Variants in RNASEH2B observed in about 807,000 individuals in gnomAD.
RNASEH2B encodes the protein ribonuclease H2 subunit B.
In RNASEH2B, 36 loss-of-function variants were observed where a neutral mutation model predicts 45.0. That is an observed-to-expected ratio of 0.80 (90% CI 0.61 to 1.06). The LOEUF is 1.06. Among genes scored for constraint, RNASEH2B ranks in the 50% least tolerant of loss-of-function variants. RNASEH2B has a pLI of 0.00. For synonymous variants in RNASEH2B, 119 were observed against 125.7 expected, an observed-to-expected ratio of 0.95 and a Z score of 0.35; for missense variants, 361 against 360.3, an observed-to-expected ratio of 1.00 and a Z score of -0.02.
chr13:50,934,759 A>G (rs1951724606), intron 4 of RNASEH2B, 126 bp from the exon 5 acceptor site: 1 of 720,002 alleles, frequency 1.4e-6, no homozygotes. Context: ...GGGATTCCTT[A>G]GATGGAATAG....
intron 5 of RNASEH2B, chr13:50,941,416 A>C (rs1046665010): frequency 6.6e-6 from 1 of 152,168 alleles, no homozygotes; most frequent in Non-Finnish European, 1.5e-5. Flanking sequence ...GGTAGAGGAG[A>C]AGCCTCCTAG....
At chr13:50,943,265 C>A in intron 5 of RNASEH2B, 56 bp from the exon 6 acceptor site, 1 of 1,008,054 alleles carries the variant, frequency 9.9e-7, no homozygotes, top group Non-Finnish European at 1.6e-6. Context: ...ATGATACAAC[C>A]TTAGGAGTTT....
intron 1 of RNASEH2B, among the ~76,000 whole-genome samples, chr13:50,918,172 C>G (rs1278106344): frequency 6.6e-6 from 1 of 152,100 alleles, no homozygotes; most frequent in Non-Finnish European, 1.5e-5. Context: ...GAGTCTCACT[C>G]TGTCGCCCAG....
intron 9 of RNASEH2B, chr13:50,953,443 A>G (rs1952001114): frequency 5.6e-6 from 1 of 179,116 alleles, no homozygotes; most frequent in African/African-American, 2.4e-5. Flanking sequence ...TTGCATGGAT[A>G]AAGTAAGATA....
intron 1 of RNASEH2B, among the ~76,000 whole-genome samples, chr13:50,919,967 G>A (rs895200441): frequency 2.0e-5 from 3 of 152,166 alleles, no homozygotes; most frequent in African/African-American, 7.2e-5. Context: ...AAGTACAGAT[G>A]TCAGGAAAGT....
At chr13:50,918,627 A>G (rs375427951) in intron 1 of RNASEH2B, among the ~76,000 whole-genome samples, 1 of 152,186 alleles carries the variant, frequency 6.6e-6, no homozygotes, top group Non-Finnish European at 1.5e-5. Context: ...AGCAGTGCTA[A>G]TGTTTTGGGA....
rs150363383 is a variant in RNASEH2B at position 50,953,950 on chromosome 13, A to G, written c.787A>G (p.Thr263Ala). ...DEPVEAKEDY[T>A]KFNTKDLKTE... Reference sequence around the variant, plus strand: ...GCCTGTAGAAGCAAAAGAAGATTACACTAAGTTTAATACTAAAGATTTGAA... The same window carrying G: ...GCCTGTAGAAGCAAAAGAAGATTACGCTAAGTTTAATACTAAAGATTTGAA... The change falls in exon 10 of 11, where the codon ACT becomes GCT. Residue 263 changes from threonine to alanine, a missense_variant. Thr to Ala is a moderately conservative substitution (Grantham distance 58). Coordinates refer to ENST00000336617, the MANE Select transcript of RNASEH2B (RefSeq NM_024570.4). 6.7e-4 allele frequency: 1,075 copies of G among 1,607,826 alleles called. 2 individuals are homozygous for G. Among genetic ancestry groups the G allele is most frequent in the Non-Finnish European group, 8.9e-4 (1,042 of 1,174,294 alleles).
chr13:50,938,345 AAATTACACTAT>A (rs1366762944), intron 5 of RNASEH2B: 1 of 152,192 alleles, frequency 6.6e-6, no homozygotes, highest in Non-Finnish European at 1.5e-5. Context: ...TATTTTCCCC[AAATTACACTAT>A]AATTACACTA....
chr13:50,956,969 G>T (rs1340604521), downstream of RNASEH2B, among the ~76,000 whole-genome samples: 1 of 150,416 alleles, frequency 6.6e-6, no homozygotes, highest in African/African-American at 2.4e-5. Context: ...CGCGATCTCG[G>T]CTCACTTTTT....
chr13:50,937,271 G>A (rs1212022448), intron 5 of RNASEH2B: 5 of 151,906 alleles, frequency 3.3e-5, no homozygotes, highest in African/African-American at 1.2e-4. Flanking sequence ...GCCCAGGATG[G>A]AATGCAGTGG....
chr13:50,929,869 G>A (rs1474310403), intron 3 of RNASEH2B, among the ~76,000 whole-genome samples: 2 of 152,214 alleles, frequency 1.3e-5, no homozygotes, highest in East Asian at 3.9e-4. Flanking sequence ...TTGTACATGG[G>A]GCACATATTG....
chr13:50,966,257 G>C (rs1373212523), intron 9 of RNASEH2B, among the ~76,000 whole-genome samples: 1 of 152,172 alleles, frequency 6.6e-6, no homozygotes, highest in Non-Finnish European at 1.5e-5. Flanking sequence ...ATATGGCACA[G>C]ATACAGACTT....
chr13:50,943,144 C>T (rs931995892), intron 5 of RNASEH2B, 177 bp from the exon 6 acceptor site: 12 of 578,780 alleles, frequency 2.1e-5, no homozygotes, highest in Middle Eastern at 4.6e-4. Context: ...CTGAGGTAGC[C>T]ACATTACTAC....
Position 50,943,329 on chromosome 13 carries a change from G to C in RNASEH2B, c.445G>C (p.Glu149Gln), listed in dbSNP as rs770355902. The C allele has an allele frequency of 4.4e-6, 7 of 1,586,778 alleles. No homozygotes were observed. The highest frequency in any genetic ancestry group is 1.7e-5 in the Admixed American group (1 of 59,572). Residue 149 changes from glutamate to glutamine, a missense_variant, in exon 6 of 11, where the codon GAA (glutamate) becomes CAA (glutamine). Physicochemically the swap from Glu to Gln is conservative, Grantham distance 29. Coordinates refer to ENST00000336617, the MANE Select transcript of RNASEH2B (RefSeq NM_024570.4). ...HHVTEEKGNP[E>Q]IDNKKYYKYS... ...CTTTTTTTTCTTTTAAGGTAATCCAGAAATAGACAACAAGAAATATTACAA... is the reference window on the plus strand; with the variant it reads ...CTTTTTTTTCTTTTAAGGTAATCCACAAATAGACAACAAGAAATATTACAA...
At chr13:50,960,654 A>G (rs968932587), downstream of RNASEH2B, among the ~76,000 whole-genome samples, 1 of 152,216 alleles carries the variant, frequency 6.6e-6, no homozygotes. Flanking sequence ...TAAAGGATCA[A>G]TAGCATAATG....
intron 1 of RNASEH2B, among the ~76,000 whole-genome samples, chr13:50,923,651 A>T (rs1275068105): frequency 2.0e-5 from 3 of 152,236 alleles, no homozygotes; most frequent in Non-Finnish European, 4.4e-5. Context: ...TCACTAGCAG[A>T]CCTGTCCCAC....
At chr13:50,912,516 T>G (rs535912927) in intron 1 of RNASEH2B, 1 of 152,210 alleles carries the variant, frequency 6.6e-6, no homozygotes, top group Non-Finnish European at 1.5e-5. Context: ...GGGCCAGAAT[T>G]TATATGGTCA....
At chr13:50,937,637 C>T (rs560861183) in intron 5 of RNASEH2B, 10 of 152,162 alleles carry the variant, frequency 6.6e-5, no homozygotes, top group East Asian at 1.9e-4. Context: ...AAAACCTAAG[C>T]GGGCTTTATT....
chr13:50,917,541 C>A (rs879321344), intron 1 of RNASEH2B, among the ~76,000 whole-genome samples: 3 of 152,216 alleles, frequency 2.0e-5, no homozygotes, highest in Non-Finnish European at 4.4e-5. Context: ...AAAACACTTT[C>A]ATATAATTGT....
Sources: allele counts gnomAD v4.1 joint callset (sites outside exome capture counted in the v4.1 genomes callset), GRCh38; gene constraint gnomAD v4.1.1; transcripts MANE v1.5; gene names NCBI Gene and HGNC (gene_info 2026-07-23, HGNC 2026-07-21).